RHOH: variants seen among roughly 807,000 people sequenced by gnomAD.
The protein encoded by RHOH is rho-related GTP-binding protein RhoH.
A neutral mutation model predicts 13.8 loss-of-function variants in RHOH; 6 were observed. That is an observed-to-expected ratio of 0.44 (90% CI 0.24 to 0.86). RHOH has a LOEUF of 0.86. RHOH is among the 40% of genes least tolerant of loss of function. The pLI, the probability that RHOH is intolerant of heterozygous loss-of-function variation, is 0.24. For synonymous variants in RHOH, 117 were observed against 103.0 expected (o/e 1.14, Z -0.82); for missense variants, 147 against 244.5 (o/e 0.60, Z 2.66).
At chr4:40,232,505 T>G (rs542247150) in intron 1 of RHOH, among the ~76,000 whole-genome samples, 244 of 152,280 alleles carry the variant, frequency 1.6e-3, no homozygotes, top group Middle Eastern at 3.4e-3. Flanking sequence ...TCCTCCTGCC[T>G]TGGCTTCCCA....
chr4:40,239,464 A>C (rs1728991758), intron 1 of RHOH, among the ~76,000 whole-genome samples: 1 of 152,190 alleles, frequency 6.6e-6, no homozygotes, highest in Admixed American at 6.5e-5. Context: ...CCCTACTTAG[A>C]GTTAATAACT....
chr4:40,218,629 C>G lies in RHOH; in HGVS notation c.-331+21329C>G, dbSNP rs1217085158. On this transcript the variant is annotated intron_variant, in intron 1 of 2. Coordinates refer to ENST00000381799, the MANE Select transcript of RHOH (RefSeq NM_004310.5). This position sits in a 1 kb window ranked among gnomAD's most constrained non-coding sequence, Gnocchi z 4.1. Reference sequence around the variant, plus strand: ...CATCTGGTGGCAGGAGCTTTAGGCTCTCTCTGCTCCTTCACCCTTTTCTCT... The same window carrying G: ...CATCTGGTGGCAGGAGCTTTAGGCTGTCTCTGCTCCTTCACCCTTTTCTCT... 6.6e-6 allele frequency among the ~76,000 whole-genome samples: 1 copy of G among 152,200 alleles called. No homozygotes were observed. The highest frequency in any genetic ancestry group is 1.5e-5 in the Non-Finnish European group (1 of 68,030).
intron 1 of RHOH, among the ~76,000 whole-genome samples, chr4:40,204,523 C>T (rs994335823): frequency 2.0e-5 from 3 of 152,180 alleles, no homozygotes; most frequent in Admixed American, 6.5e-5. Flanking sequence ...GAGCCAAAGA[C>T]TTTCTCACAC....
upstream of RHOH, among the ~76,000 whole-genome samples, chr4:40,194,812 A>G (rs947845643): frequency 6.6e-6 from 1 of 152,176 alleles, no homozygotes; most frequent in Admixed American, 6.5e-5. Context: ...CTTCGGTGAG[A>G]TGCAATCAGC....
chr4:40,245,680 G>A lies in RHOH; in HGVS notation c.*1718G>A, dbSNP rs1041860432. ...AGGTACATCATTGTTATGGGGTAAC[G>A]TGACTATTACACACAAAAGGTAAGG... On this transcript the variant is annotated 3_prime_UTR_variant, in exon 3 of 3. Coordinates refer to ENST00000381799, the MANE Select transcript of RHOH (RefSeq NM_004310.5). 5 of 152,008 alleles carry A rather than the reference G, an allele frequency of 3.3e-5. No individual in the cohort carries two copies. Among genetic ancestry groups the A allele is most frequent in the South Asian group, 4.1e-4 (2 of 4,830 alleles). 9.4% of individuals were successfully genotyped at this position (152,008 alleles called of 1,614,324 possible).
chr4:40,209,768 C>T (rs1424353634), intron 1 of RHOH: 1 of 152,146 alleles, frequency 6.6e-6, no homozygotes, highest in Admixed American at 6.5e-5. Context: ...AGCACATTTT[C>T]CTTATGCATC....
At chr4:40,233,580 T>C (rs1314416033) in intron 1 of RHOH, among the ~76,000 whole-genome samples, 2 of 152,186 alleles carry the variant, frequency 1.3e-5, no homozygotes, top group Non-Finnish European at 2.9e-5. Flanking sequence ...TGGCAAACTT[T>C]TTTGTGTAAA....
intron 1 of RHOH, among the ~76,000 whole-genome samples, chr4:40,214,309 G>C (rs1362834582): frequency 1.3e-5 from 2 of 152,182 alleles, no homozygotes; most frequent in African/African-American, 4.8e-5. Flanking sequence ...GGTGTTTGGG[G>C]ATTACCCTCT....
Position 40,243,620 on chromosome 4 carries a change from G to T in RHOH, c.234G>T (p.Val78=). 1 of 1,614,180 alleles carries T rather than the reference G, an allele frequency of 6.2e-7. No homozygotes were observed. Among genetic ancestry groups the T allele is most frequent in the Non-Finnish European group, 8.5e-7 (1 of 1,180,044 alleles). Residue 78 remains valine, a synonymous_variant, in exon 3 of 3, where the codon GTG becomes GTT. Transcript: ENST00000381799. This position sits in a 1 kb window ranked among gnomAD's most constrained non-coding sequence, Gnocchi z 6.2. ...IRPLSYQQAD[V]VLMCYSVANH... ...CCCTGTCCTACCAGCAGGCAGACGTGGTGCTGATGTGCTACTCTGTGGCCA... is the reference window on the plus strand; with the variant it reads ...CCCTGTCCTACCAGCAGGCAGACGTTGTGCTGATGTGCTACTCTGTGGCCA...
intron 1 of RHOH, among the ~76,000 whole-genome samples, chr4:40,199,137 A>C (rs139614745): frequency 6.6e-6 from 1 of 152,334 alleles, no homozygotes; most frequent in East Asian, 1.9e-4. Flanking sequence ...CTCTAATAAC[A>C]GTAATAATAA....
At chr4:40,197,521 G>T (rs1205092526) in intron 1 of RHOH, among the ~76,000 whole-genome samples, 1 of 152,146 alleles carries the variant, frequency 6.6e-6, no homozygotes, top group East Asian at 1.9e-4. Context: ...AACATGAAAA[G>T]TTACAATAGT....
At chr4:40,224,462 A>G (rs184459600) in intron 1 of RHOH, among the ~76,000 whole-genome samples, 1 of 152,390 alleles carries the variant, frequency 6.6e-6, no homozygotes, top group South Asian at 2.1e-4. Context: ...TTTAATAGAT[A>G]CTGGCAAGGA....
intron 1 of RHOH, chr4:40,209,313 C>T (rs1724993317): frequency 6.6e-6 from 1 of 152,134 alleles, no homozygotes; most frequent in African/African-American, 2.4e-5. Flanking sequence ...TGAGTGGTTT[C>T]TGTTTTTAAA....
intron 1 of RHOH, among the ~76,000 whole-genome samples, chr4:40,240,974 T>C (rs1251404227): frequency 6.6e-6 from 1 of 151,706 alleles, no homozygotes; most frequent in East Asian, 1.9e-4. Context: ...CTGAACAATA[T>C]AATGAGACCC....
intron 1 of RHOH, among the ~76,000 whole-genome samples, chr4:40,201,630 A>G (rs1723998005): frequency 6.6e-6 from 1 of 152,208 alleles, no homozygotes; most frequent in Non-Finnish European, 1.5e-5. Flanking sequence ...GAAAATCAGC[A>G]AACACAATAA....
At chr4:40,237,363 G>A (rs1021234798) in intron 1 of RHOH, among the ~76,000 whole-genome samples, 1 of 152,000 alleles carries the variant, frequency 6.6e-6, no homozygotes, top group Non-Finnish European at 1.5e-5. Flanking sequence ...ACTGAGGCAG[G>A]AGAATCACTT....
At chr4:40,212,944 A>C (rs919418484) in intron 1 of RHOH, among the ~76,000 whole-genome samples, 2 of 152,240 alleles carry the variant, frequency 1.3e-5, no homozygotes, top group African/African-American at 4.8e-5. Context: ...ATCTCCCTAT[A>C]GGGAAGGTTC....
intron 1 of RHOH, among the ~76,000 whole-genome samples, chr4:40,211,605 A>G (rs1341332814): frequency 6.6e-6 from 1 of 152,134 alleles, no homozygotes; most frequent in African/African-American, 2.4e-5. Flanking sequence ...GTCATAGGTG[A>G]TGTCTTGGGG....
At chr4:40,223,636 A>G (rs1351374517) in intron 1 of RHOH, among the ~76,000 whole-genome samples, 1 of 151,864 alleles carries the variant, frequency 6.6e-6, no homozygotes, top group Non-Finnish European at 1.5e-5. Context: ...GGCTAATTAA[A>G]AAAAAATTTT....
Sources: allele counts gnomAD v4.1 joint callset (sites outside exome capture counted in the v4.1 genomes callset), GRCh38; gene constraint gnomAD v4.1.1; non-coding constraint Gnocchi (gnomAD v3.1); transcripts MANE v1.5; gene names NCBI Gene and HGNC (gene_info 2026-07-23, HGNC 2026-07-21).